MIB1: variants seen among roughly 807,000 people sequenced by gnomAD.
MIB1 encodes E3 ubiquitin-protein ligase MIB1.
A neutral mutation model predicts 124.5 loss-of-function variants in MIB1; 278 were observed. The observed-to-expected ratio is 2.23, with a 90% CI of 2.02 to 2.47. MIB1 has a LOEUF of 2.47. Among genes scored for constraint, MIB1 ranks in the 30% most tolerant of loss-of-function variants. The pLI is 0.00. For synonymous variants in MIB1, 446 were observed against 429.4 expected (o/e 1.04, Z -0.48); for missense variants, 957 against 1,254.4 (o/e 0.76, Z 3.58).
intron 1 of MIB1, among the ~76,000 whole-genome samples, chr18:21,717,663 G>C (rs942398089): frequency 6.6e-6 from 1 of 152,052 alleles, no homozygotes; most frequent in African/African-American, 2.4e-5. Flanking sequence ...CATCACTAAT[G>C]GTCAGGGAAA....
At chr18:21,823,105 G>T (rs1258290994) in intron 12 of MIB1, among the ~76,000 whole-genome samples, 1 of 151,718 alleles carries the variant, frequency 6.6e-6, no homozygotes, top group African/African-American at 2.4e-5. Context: ...GTAGTGGTGC[G>T]CACCTGTAGT....
chr18:21,750,622 C>T (rs1358932320), intron 1 of MIB1, among the ~76,000 whole-genome samples: 1 of 152,148 alleles, frequency 6.6e-6, no homozygotes, highest in Admixed American at 6.5e-5. Context: ...CCACCACGCT[C>T]GGCCTAATTT....
At chr18:21,756,421 A>G (rs1236513645) in intron 1 of MIB1, among the ~76,000 whole-genome samples, 1 of 152,084 alleles carries the variant, frequency 6.6e-6, no homozygotes, top group East Asian at 1.9e-4. Context: ...TCAAATTATG[A>G]GTTTTTACCA....
chr18:21,859,227 T>C (rs2042253218), intron 20 of MIB1, among the ~76,000 whole-genome samples: 1 of 151,828 alleles, frequency 6.6e-6, no homozygotes, highest in Non-Finnish European at 1.5e-5. Context: ...CCGCACAACA[T>C]AGTGAGACCG....
chr18:21,766,154 A>G (rs2038768824), intron 2 of MIB1, among the ~76,000 whole-genome samples: 1 of 152,206 alleles, frequency 6.6e-6, no homozygotes, highest in South Asian at 2.1e-4. Flanking sequence ...TTTCCAAGGT[A>G]ATCTGGGCTA....
chr18:21,718,412 GAA>G (rs1340598631), intron 1 of MIB1, among the ~76,000 whole-genome samples: 4 of 151,898 alleles, frequency 2.6e-5, no homozygotes, highest in Non-Finnish European at 4.4e-5. Context: ...TTTTAAAAAA[GAA>G]AGAAAAAAAT....
chr18:21,857,070 A>G, intron 18 of MIB1, 60 bp from the exon 19 acceptor site: 1 of 1,117,690 alleles, frequency 8.9e-7, no homozygotes, highest in Non-Finnish European at 1.4e-6. Flanking sequence ...TTAGCAGAGA[A>G]AGGCAACACT....
At chr18:21,721,189 TTTTTTTTTTG>T (rs2040714136) in intron 1 of MIB1, among the ~76,000 whole-genome samples, 1 of 123,332 alleles carries the variant, frequency 8.1e-6, no homozygotes, top group Non-Finnish European at 1.7e-5. Flanking sequence ...TTTTTTTTTT[TTTTTTTTTTG>T]AGACAGAGTC....
intron 10 of MIB1, among the ~76,000 whole-genome samples, chr18:21,809,465 A>G (rs2041745974): frequency 6.6e-6 from 1 of 152,104 alleles, no homozygotes; most frequent in Non-Finnish European, 1.5e-5. Context: ...AAAACTACAG[A>G]CCAATATACC....
chr18:21,714,036 A>G (rs531503632), intron 1 of MIB1, among the ~76,000 whole-genome samples: 40 of 152,330 alleles, frequency 2.6e-4, no homozygotes, highest in African/African-American at 8.9e-4. Context: ...TGCCCAGTGT[A>G]ACAAGATGTT....
chr18:21,740,248 T>G (rs1354824573), upstream of MIB1, among the ~76,000 whole-genome samples: 1 of 152,210 alleles, frequency 6.6e-6, no homozygotes, highest in Non-Finnish European at 1.5e-5. Flanking sequence ...GGACTGAATT[T>G]TTTCGTGAGT....
At chr18:21,851,127 A>T (rs2042175907) in intron 17 of MIB1, among the ~76,000 whole-genome samples, 1 of 152,190 alleles carries the variant, frequency 6.6e-6, no homozygotes, top group African/African-American at 2.4e-5. Context: ...TCAGAAGCAG[A>T]GTCTCAGCTA....
chr18:21,797,893 TTTA>T (rs914903115), intron 7 of MIB1, among the ~76,000 whole-genome samples, 188 bp from the exon 8 acceptor site: 4 of 152,108 alleles, frequency 2.6e-5, no homozygotes, highest in Non-Finnish European at 4.4e-5. Flanking sequence ...TGGAAGTAGT[TTTA>T]TTATTATTTT....
chr18:21,749,641 C>CTTTTTTTT (rs10653364), intron 1 of MIB1, among the ~76,000 whole-genome samples: 3,356 of 114,338 alleles, frequency 0.029, 311 homozygotes, highest in African/African-American at 0.12. Context: ...CTACCTTACT[C>CTTTTTTTT]TTTTTTTTTT....
intron 1 of MIB1, among the ~76,000 whole-genome samples, chr18:21,715,302 A>G (rs1240054469): frequency 6.6e-6 from 1 of 152,220 alleles, no homozygotes; most frequent in Non-Finnish European, 1.5e-5. Context: ...CCACATCCAT[A>G]GGAAAAGGGA....
chr18:21,763,819 T>C (rs921829257), intron 1 of MIB1, among the ~76,000 whole-genome samples: 1 of 152,210 alleles, frequency 6.6e-6, no homozygotes, highest in South Asian at 2.1e-4. Flanking sequence ...AAGCTACCAT[T>C]ATCTTAGCTG....
rs1176734481 is a variant in MIB1 at position 21,749,649 on chromosome 18, T to C, written c.229+7837T>C. Among the ~76,000 whole-genome samples the C allele has an allele frequency of 3.3e-5, 5 of 150,150 alleles. No individual in the cohort carries two copies. In the East Asian group the frequency reaches 9.7e-4, roughly 29 times the overall value. On this transcript the variant is annotated intron_variant, in intron 1 of 20. Coordinates refer to ENST00000261537, the MANE Select transcript of MIB1 (RefSeq NM_020774.4). ...ATTACTGCTACCTTACTCTTTTTTTTTTTTTTTTGAAATGGAGTTTTCCTT... is the reference window on the plus strand; with the variant it reads ...ATTACTGCTACCTTACTCTTTTTTTCTTTTTTTTGAAATGGAGTTTTCCTT...
At chr18:21,858,338 G>A (rs2146520904) in intron 19 of MIB1, among the ~76,000 whole-genome samples, 1 of 152,292 alleles carries the variant, frequency 6.6e-6, no homozygotes, top group Non-Finnish European at 1.5e-5. Flanking sequence ...AGAAATTAAT[G>A]TGCAAACTGT....
At chr18:21,768,472 A>C (rs781623876) in intron 2 of MIB1, 151 bp from the exon 3 acceptor site, 22 of 469,596 alleles carry the variant, frequency 4.7e-5, no homozygotes, top group Admixed American at 1.7e-4. Context: ...GGAATATAAA[A>C]GGTATTCCTG....
Sources: allele counts gnomAD v4.1 joint callset (sites outside exome capture counted in the v4.1 genomes callset), GRCh38; gene constraint gnomAD v4.1.1; transcripts MANE v1.5; gene names NCBI Gene and HGNC (gene_info 2026-07-23, HGNC 2026-07-21).